GSAP: variants seen among roughly 807,000 people sequenced by gnomAD.
The protein encoded by GSAP is gamma-secretase-activating protein.
In GSAP, 118 loss-of-function variants were observed where a neutral mutation model predicts 131.7. The ratio of observed to expected loss-of-function variants is 0.90; its 90% confidence interval spans 0.77 to 1.04. The LOEUF is 1.04. GSAP is among the 50% of genes least tolerant of loss of function. The probability of loss-of-function intolerance (pLI) is 0.00; values close to 1 mark genes in which losing one functional copy is unlikely to be tolerated. For synonymous variants in GSAP, 381 were observed against 363.4 expected (o/e 1.05, Z -0.55); for missense variants, 1,019 against 1,013.2 (o/e 1.01, Z -0.08).
intron 3 of GSAP, among the ~76,000 whole-genome samples, chr7:77,398,780 A>G (rs187611381): frequency 2.0e-5 from 3 of 152,186 alleles, no homozygotes; most frequent in Non-Finnish European, 2.9e-5. Context: ...ACAAAAAAAA[A>G]GGTCAAAAGA....
intron 6 of GSAP, among the ~76,000 whole-genome samples, chr7:77,385,302 A>G (rs553543673): frequency 1.2e-4 from 19 of 152,258 alleles, no homozygotes; most frequent in African/African-American, 3.4e-4. Flanking sequence ...CTAAAGTGCT[A>G]GGATTATAGG....
chr7:77,362,478 C>A, intron 13 of GSAP, 105 bp downstream of exon 13: 1 of 648,836 alleles, frequency 1.5e-6, no homozygotes, highest in Non-Finnish European at 2.8e-6. Context: ...CAAAGGGAGA[C>A]CCTGTCTCCA....
chr7:77,390,452 A>G (rs377695680), intron 5 of GSAP, among the ~76,000 whole-genome samples: 26,637 of 152,010 alleles, frequency 0.18, 2,531 homozygotes, highest in South Asian at 0.29. Flanking sequence ...ATCTTGAATT[A>G]ATTTTTGTAT....
chr7:77,357,895 T>C (rs184844648), intron 14 of GSAP, among the ~76,000 whole-genome samples: 140 of 152,340 alleles, frequency 9.2e-4, no homozygotes, highest in African/African-American at 3.1e-3. Context: ...AAGTTTGCCA[T>C]AATTTGTTAC....
chr7:77,313,706 C>G (rs980809417), intron 27 of GSAP, among the ~76,000 whole-genome samples, 157 bp from the exon 28 acceptor site: 6 of 149,198 alleles, frequency 4.0e-5, no homozygotes, highest in African/African-American at 1.5e-4. Flanking sequence ...TACTCTGACT[C>G]TCTGAATAAA....
At chr7:77,318,513 C>T (rs1282495958) in intron 26 of GSAP, among the ~76,000 whole-genome samples, 10 of 152,112 alleles carry the variant, frequency 6.6e-5, no homozygotes, top group African/African-American at 1.9e-4. Context: ...TTACAGCTAT[C>T]ATAAAGTTTA....
chr7:77,335,661 T>C (rs1446215162), intron 19 of GSAP, among the ~76,000 whole-genome samples: 1 of 152,072 alleles, frequency 6.6e-6, no homozygotes, highest in Non-Finnish European at 1.5e-5. Context: ...TCTGTGGTAC[T>C]GGCTCATCTG....
At chr7:77,378,556 G>T (rs972576792) in intron 8 of GSAP, among the ~76,000 whole-genome samples, 2 of 151,756 alleles carry the variant, frequency 1.3e-5, no homozygotes, top group African/African-American at 2.4e-5. Flanking sequence ...AATAAGGTGT[G>T]CAAGAGTAAA....
chr7:77,369,986 A>G (rs77145544), intron 12 of GSAP, among the ~76,000 whole-genome samples: 10,776 of 152,184 alleles, frequency 0.071, 513 homozygotes, highest in Non-Finnish European at 0.1. Context: ...GGAAAAACAG[A>G]TTCTTCCACA....
chr7:77,342,016 G>A (rs912774742), intron 19 of GSAP, among the ~76,000 whole-genome samples: 6 of 152,152 alleles, frequency 3.9e-5, no homozygotes, highest in African/African-American at 1.2e-4. Flanking sequence ...CCACAGCCTG[G>A]GATACCTCCT....
chr7:77,360,245 C>T (rs1164443016), intron 14 of GSAP, among the ~76,000 whole-genome samples: 1 of 152,158 alleles, frequency 6.6e-6, no homozygotes, highest in Non-Finnish European at 1.5e-5. Context: ...ACTTTGTGCC[C>T]CACATCCTAA....
chr7:77,407,129 A>G (rs1305060272), intron 1 of GSAP, among the ~76,000 whole-genome samples: 1 of 152,254 alleles, frequency 6.6e-6, no homozygotes, highest in East Asian at 1.9e-4. Context: ...GGCCTGTCAG[A>G]TAAAGTCTTT....
intron 12 of GSAP, among the ~76,000 whole-genome samples, chr7:77,363,826 G>C (rs965598498): frequency 6.6e-6 from 1 of 152,030 alleles, no homozygotes; most frequent in Non-Finnish European, 1.5e-5. Context: ...CGGTTACTGA[G>C]CACACAATAA....
chr7:77,334,331 C>G (rs1316379415), intron 19 of GSAP, among the ~76,000 whole-genome samples: 1 of 151,872 alleles, frequency 6.6e-6, no homozygotes, highest in African/African-American at 2.4e-5. Flanking sequence ...GAAGAGAAAA[C>G]CAAATGGCAC....
intron 23 of GSAP, 88 bp downstream of exon 23, chr7:77,326,124 G>A (rs1001571508): frequency 8.2e-6 from 7 of 854,046 alleles, no homozygotes. Context: ...TAAAGAATAA[G>A]ATCAGAATGA....
chr7:77,312,249 TAAGTA>T (rs1199897348), intron 28 of GSAP, 47 bp from the exon 29 acceptor site: 2 of 869,300 alleles, frequency 2.3e-6, no homozygotes, highest in Non-Finnish European at 3.7e-6. Flanking sequence ...CACACTATAT[TAAGTA>T]AACACACCTT....
rs749013710 is a variant in GSAP at position 77,326,225 on chromosome 7, A to C, written c.1814T>G (p.Leu605Arg). 6.2e-7 allele frequency: 1 copy of C among 1,612,576 alleles called. No homozygotes were observed. The highest frequency in any genetic ancestry group is 1.1e-5 in the South Asian group (1 of 90,982). ...CGTACCACTTACCAGCCCCATGAGCAGCCGCTGGTGGCTGTCTTCCTCCTG... is the reference window on the plus strand; with the variant it reads ...CGTACCACTTACCAGCCCCATGAGCCGCCGCTGGTGGCTGTCTTCCTCCTG... ...LLQEEDSHQR[L>R]LMGLMVSELK... The change falls in exon 23 of 31, where the codon CTG (leucine) becomes CGG (arginine). Residue 605 changes from leucine (L) to arginine (R), a missense_variant. Physicochemically the swap from Leu to Arg is moderately radical, Grantham distance 102 (BLOSUM62 -2). Coordinates refer to ENST00000257626, the MANE Select transcript of GSAP (RefSeq NM_017439.4).
In GSAP at chr7:77,350,565, G is replaced by A. The variant is rs1025630066; in HGVS notation, c.1492-1161C>T. Among the ~76,000 whole-genome samples the A allele has an allele frequency of 1.5e-4, 20 of 130,480 alleles. No homozygotes were observed. In the South Asian group the frequency reaches 4.7e-3, roughly 30 times the overall value. 85.6% of individuals were successfully genotyped at this position (130,480 alleles called of 152,430 possible). On this transcript the variant is annotated intron_variant, in intron 18 of 30. Coordinates refer to ENST00000257626, the MANE Select transcript of GSAP (RefSeq NM_017439.4). Reference sequence around the variant, plus strand: ...GACCTGGCCAACATGGTGAAACCCCGCTCTACTAAAAAAAAAAAAAAAAAA... The same window carrying A: ...GACCTGGCCAACATGGTGAAACCCCACTCTACTAAAAAAAAAAAAAAAAAA...
intron 26 of GSAP, 85 bp downstream of exon 26, chr7:77,320,640 C>T: frequency 1.2e-6 from 1 of 808,782 alleles, no homozygotes; most frequent in Non-Finnish European, 2.1e-6. Flanking sequence ...GTCTCATCAT[C>T]AAACTTATAA....
Sources: gnomAD v4.1 joint callset for allele counts (sites outside exome capture counted in the v4.1 genomes callset) on GRCh38, gnomAD v4.1.1 for gene constraint, MANE v1.5 for transcripts, NCBI Gene and HGNC (gene_info 2026-07-23, HGNC 2026-07-21) for gene names.